EYS: variants seen among roughly 807,000 people sequenced by gnomAD.
EYS encodes EGF-like photoreceptor maintenance factor.
Under a neutral mutation model 282.1 loss-of-function variants are expected in EYS, and 250 were observed. The observed-to-expected ratio is 0.89, with a 90% CI of 0.80 to 0.98. The LOEUF is 0.98. Ranked by LOEUF, EYS falls within the 50% of genes least tolerant of loss-of-function variation. EYS has a pLI of 0.00. For missense variants in EYS, 4,016 were observed against 3,709.0 expected (o/e 1.08, Z -2.15); for synonymous variants, 1,355 against 1,282.9 (o/e 1.06, Z -1.20).
At chr6:65,472,761 T>A (rs17696888) in intron 5 of EYS, among the ~76,000 whole-genome samples, 14,769 of 152,092 alleles carry the variant, frequency 0.097, 944 homozygotes, top group South Asian at 0.18. Flanking sequence ...TTTATGTATT[T>A]AGGCATATTT....
intron 35 of EYS, among the ~76,000 whole-genome samples, chr6:63,963,643 G>T (rs1353522206): frequency 6.6e-6 from 1 of 152,068 alleles, no homozygotes; most frequent in Non-Finnish European, 1.5e-5. Flanking sequence ...ACAGACTATG[G>T]GTTTTCATTT....
At position 65,317,825 on chromosome 6, in the gene EYS, CCTTTCTTTCTTTCTTTCTTT is replaced by C. The variant is rs201156936; in HGVS notation, c.1766+17135_1766+17154del. Among the ~76,000 whole-genome samples, 466 of 81,168 alleles carry C rather than the reference CCTTTCTTTCTTTCTTTCTTT, an allele frequency of 5.7e-3. 13 individuals are homozygous for C. Among genetic ancestry groups the C allele is most frequent in the Admixed American group, 0.012 (98 of 8,102 alleles). 53.2% of individuals were successfully genotyped at this position (81,168 alleles called of 152,430 possible). A position where few individuals can be genotyped will look rare whatever the true frequency, so the allele number is the denominator to read the frequency against. On this transcript the variant is annotated intron_variant, in intron 11 of 42. Coordinates refer to ENST00000503581, the MANE Select transcript of EYS (RefSeq NM_001142800.2). ...TCCTTCCTTCCTTCCTTCCTTCCTT[CCTTTCTTTCTTTCTTTCTTT>C]CTTTCTTTCTTTCTTTCTTTCTTTC...
intron 35 of EYS, among the ~76,000 whole-genome samples, chr6:63,883,799 G>T (rs1166381691): frequency 6.6e-6 from 1 of 152,160 alleles, no homozygotes. Context: ...CTTTGTGCTT[G>T]GCCTAGAACC....
At chr6:64,327,876 C>A (rs545663497) in intron 29 of EYS, among the ~76,000 whole-genome samples, 1 of 152,138 alleles carries the variant, frequency 6.6e-6, no homozygotes, top group Non-Finnish European at 1.5e-5. Flanking sequence ...CAGAAGAAAG[C>A]ACCCCTCAGG....
chr6:64,133,597 CAT>C (rs1235236670), intron 31 of EYS, among the ~76,000 whole-genome samples: 65 of 152,078 alleles, frequency 4.3e-4, no homozygotes, highest in East Asian at 1.7e-3. Context: ...TATATGCACA[CAT>C]GTTTTAATGA....
At chr6:65,225,171 A>C (rs1766586979) in intron 12 of EYS, among the ~76,000 whole-genome samples, 1 of 151,582 alleles carries the variant, frequency 6.6e-6, no homozygotes, top group East Asian at 1.9e-4. Flanking sequence ...ACTTTTCAAT[A>C]TATGTATAAT....
chr6:64,735,093 G>GT (rs954797764), intron 22 of EYS, among the ~76,000 whole-genome samples: 5 of 151,542 alleles, frequency 3.3e-5, no homozygotes, highest in African/African-American at 9.7e-5. Flanking sequence ...TTCTGACTTT[G>GT]TTTTTTTTGA....
chr6:64,045,006 A>G (rs1272801726), intron 33 of EYS, among the ~76,000 whole-genome samples: 1 of 152,176 alleles, frequency 6.6e-6, no homozygotes, highest in Non-Finnish European at 1.5e-5. Flanking sequence ...TTTGGCATAA[A>G]AAGATTGTCT....
At chr6:64,634,119 G>A (rs569216072) in intron 22 of EYS, among the ~76,000 whole-genome samples, 1 of 152,120 alleles carries the variant, frequency 6.6e-6, no homozygotes, top group Non-Finnish European at 1.5e-5. Context: ...AAGTAGCTGG[G>A]ACTACAGGTG....
chr6:64,496,096 T>C (rs1209127864), intron 26 of EYS, among the ~76,000 whole-genome samples: 3 of 151,832 alleles, frequency 2.0e-5, no homozygotes, highest in Non-Finnish European at 2.9e-5. Context: ...GTGAGTAAAA[T>C]ATGGGCTTTG....
chr6:65,445,025 G>T (rs1768598356), intron 5 of EYS, among the ~76,000 whole-genome samples: 1 of 151,410 alleles, frequency 6.6e-6, no homozygotes, highest in African/African-American at 2.4e-5. Context: ...TCTGACAAAA[G>T]ATCTCTAGAA....
intron 8 of EYS, among the ~76,000 whole-genome samples, chr6:65,381,534 G>C (rs1394156872): frequency 5.3e-5 from 8 of 151,782 alleles, no homozygotes; most frequent in African/African-American, 1.5e-4. Context: ...CTTAAAACCT[G>C]TATGACGGGT....
At chr6:65,059,218 A>T in intron 12 of EYS, among the ~76,000 whole-genome samples, 1 of 152,188 alleles carries the variant, frequency 6.6e-6, no homozygotes. Context: ...TCAAAGCAAA[A>T]GTTTAACCAG....
intron 22 of EYS, among the ~76,000 whole-genome samples, chr6:64,661,685 A>G (rs1769028471): frequency 7.0e-6 from 1 of 143,226 alleles, no homozygotes; most frequent in East Asian, 2.0e-4. Flanking sequence ...ACAATGAGAT[A>G]CCATCTCACA....
At chr6:65,591,434 T>G (rs1272990711) in intron 2 of EYS, among the ~76,000 whole-genome samples, 1 of 151,952 alleles carries the variant, frequency 6.6e-6, no homozygotes, top group African/African-American at 2.4e-5. Flanking sequence ...AGGAACATAT[T>G]GGGAAGGTCC....
At chr6:65,108,464 T>A (rs1775110323) in intron 12 of EYS, among the ~76,000 whole-genome samples, 1 of 152,016 alleles carries the variant, frequency 6.6e-6, no homozygotes, top group African/African-American at 2.4e-5. Context: ...CACCAGCTAA[T>A]TTTTTATATT....
chr6:64,360,703 T>C (rs1022578787), intron 29 of EYS, among the ~76,000 whole-genome samples: 1 of 151,780 alleles, frequency 6.6e-6, no homozygotes, highest in African/African-American at 2.4e-5. Context: ...ATATGCAGCA[T>C]AGTCATAAAG....
intron 31 of EYS, among the ~76,000 whole-genome samples, chr6:64,212,369 C>T (rs1177601306): frequency 1.3e-5 from 2 of 150,822 alleles, no homozygotes; most frequent in Non-Finnish European, 3.0e-5. Context: ...ACAATAAGTC[C>T]CAAAAGGCAA....
chr6:65,149,514 C>T (rs560091637), intron 12 of EYS, among the ~76,000 whole-genome samples: 23 of 152,124 alleles, frequency 1.5e-4, no homozygotes, highest in African/African-American at 5.5e-4. Context: ...AAGTTTCTGT[C>T]TTCTTCTGAG....
Sources: allele counts gnomAD v4.1 joint callset (sites outside exome capture counted in the v4.1 genomes callset), GRCh38; gene constraint gnomAD v4.1.1; transcripts MANE v1.5; gene names NCBI Gene and HGNC (gene_info 2026-07-23, HGNC 2026-07-21).